Variants in CSMD3 observed in about 807,000 individuals in gnomAD.
The protein encoded by CSMD3 is CUB and sushi domain-containing protein 3.
In CSMD3, 177 loss-of-function variants were observed where a neutral mutation model predicts 435.2. That is an observed-to-expected ratio of 0.41 (90% confidence interval 0.36 to 0.46). CSMD3 has a LOEUF of 0.46. Among genes scored for constraint, CSMD3 ranks in the 20% least tolerant of loss-of-function variants. The pLI, the probability that CSMD3 is intolerant of heterozygous loss-of-function variation, is 0.34. For missense variants in CSMD3, 4,265 were observed against 4,504.6 expected (o/e 0.95, Z 1.52); for synonymous variants, 1,656 against 1,520.5 (o/e 1.09, Z -2.07).
At chr8:112,231,762 T>A in intron 68 of CSMD3, 130 bp from the exon 69 acceptor site, 1 of 702,382 alleles carries the variant, frequency 1.4e-6, no homozygotes, top group Non-Finnish European at 2.5e-6. Context: ...ATTTTTCTCC[T>A]TTGCAAAATA....
chr8:112,365,697 G>A (rs1827720671), intron 38 of CSMD3, among the ~76,000 whole-genome samples: 1 of 152,188 alleles, frequency 6.6e-6, no homozygotes, highest in Admixed American at 6.6e-5. Flanking sequence ...TACAAAAAGT[G>A]TATGGGAACA....
At chr8:113,267,140 G>A (rs1471676278) in intron 3 of CSMD3, among the ~76,000 whole-genome samples, 6 of 151,512 alleles carry the variant, frequency 4.0e-5, no homozygotes, top group African/African-American at 9.7e-5. Context: ...ACTCTTATAC[G>A]CTGTTGGTAG....
intron 2 of CSMD3, among the ~76,000 whole-genome samples, chr8:113,294,424 C>A (rs1269904403): frequency 6.6e-6 from 1 of 151,904 alleles, no homozygotes; most frequent in Non-Finnish European, 1.5e-5. Context: ...ATGAAGAAAA[C>A]AAAGGCCTAT....
At chr8:113,355,710 A>G (rs2094218160) in intron 1 of CSMD3, among the ~76,000 whole-genome samples, 1 of 77,284 alleles carries the variant, frequency 1.3e-5, no homozygotes, top group Non-Finnish European at 2.4e-5. Flanking sequence ...ATAACTCTTA[A>G]AAGTTTTATT....
Position 112,346,164 on chromosome 8 carries a change from AG to A in CSMD3, c.6374del (p.Pro2125LeufsTer11), listed in dbSNP as rs1329675952. On this transcript the variant is annotated frameshift_variant, in exon 41 of 71. Transcript: ENST00000297405. LOFTEE classifies it high-confidence loss of function. ...MSDFSGVILS[P>X]GFPGNYPSSL... ...TGCTGGGATAGTTTCCAGGAAACCC[AG>A]GACTGAGGATCACACCACTGAAGTC... 6.2e-7 allele frequency: 1 copy of A among 1,613,760 alleles called. No individual in the cohort carries two copies. The highest frequency in any genetic ancestry group is 1.7e-5 in the Admixed American group (1 of 60,030).
At position 112,369,993 on chromosome 8, in the gene CSMD3, G is replaced by GGAAGAAGAGGAA. The variant is rs1563852158; in HGVS notation, c.6136+10358_6136+10359insTTCCTCTTCTTC. On this transcript the variant is annotated intron_variant, in intron 38 of 70. Transcript: ENST00000297405. ...AAGAAGAAGAAGAGAAAGAGGAAGA[G>GGAAGAAGAGGAA]GAAGAAGAAGAGGAAGAGGAAGAAG... is the stretch of plus-strand genomic sequence containing the variant. Among the ~76,000 whole-genome samples the GGAAGAAGAGGAA allele has an allele frequency of 6.6e-4, 29 of 43,736 alleles. 1 individual carries two copies. The highest frequency in any genetic ancestry group is 1.7e-3 in the African/African-American group (27 of 15,650). The allele number at this position is 43,736 out of a possible 152,430, so 28.7% of individuals were successfully genotyped here.
chr8:113,159,288 A>G (rs1306196040), intron 4 of CSMD3, among the ~76,000 whole-genome samples: 1 of 151,914 alleles, frequency 6.6e-6, no homozygotes, highest in East Asian at 1.9e-4. Flanking sequence ...TACATACTTT[A>G]AGATGTTTAT....
chr8:112,805,275 C>T (rs1041924103), intron 12 of CSMD3, among the ~76,000 whole-genome samples: 1 of 152,064 alleles, frequency 6.6e-6, no homozygotes, highest in Non-Finnish European at 1.5e-5. Context: ...AAGGGGTATT[C>T]CGAAAAGCAG....
chr8:113,303,230 A>T (rs1216003422), intron 2 of CSMD3, among the ~76,000 whole-genome samples: 1 of 137,256 alleles, frequency 7.3e-6, no homozygotes, highest in Non-Finnish European at 1.6e-5. Flanking sequence ...CTTCAAGGAG[A>T]ACTACAAACC....
chr8:112,507,817 C>G (rs1300079026), intron 28 of CSMD3, among the ~76,000 whole-genome samples: 1 of 152,016 alleles, frequency 6.6e-6, no homozygotes, highest in Non-Finnish European at 1.5e-5. Flanking sequence ...TCTGGTACTG[C>G]CTTCCTCCAT....
intron 10 of CSMD3, among the ~76,000 whole-genome samples, chr8:112,862,536 C>T (rs1339940937): frequency 6.6e-6 from 1 of 151,914 alleles, no homozygotes; most frequent in Non-Finnish European, 1.5e-5. Context: ...AACAGACCTG[C>T]TATTTGAACA....
At chr8:112,348,351 A>T (rs1825848322) in intron 40 of CSMD3, among the ~76,000 whole-genome samples, 1 of 152,188 alleles carries the variant, frequency 6.6e-6, no homozygotes, top group Non-Finnish European at 1.5e-5. Context: ...TGTCTCTAAT[A>T]TCTAAAATCT....
chr8:112,582,850 A>T (rs4295688), intron 23 of CSMD3, among the ~76,000 whole-genome samples: 87,398 of 151,790 alleles, frequency 0.58, 25,701 homozygotes, highest in African/African-American at 0.69. Flanking sequence ...AAACTTATTC[A>T]TCCCTTTCAC....
intron 36 of CSMD3, among the ~76,000 whole-genome samples, chr8:112,387,450 T>G (rs1464031938): frequency 1.4e-5 from 2 of 143,440 alleles, no homozygotes; most frequent in Non-Finnish European, 3.1e-5. Flanking sequence ...AAGTTTCAAA[T>G]GTAAGTCATA....
intron 28 of CSMD3, among the ~76,000 whole-genome samples, chr8:112,507,901 T>C (rs1234621486): frequency 1.3e-5 from 2 of 152,178 alleles, no homozygotes; most frequent in African/African-American, 4.8e-5. Context: ...GCATTGAGAA[T>C]ATCTAGTTGC....
intron 10 of CSMD3, among the ~76,000 whole-genome samples, chr8:112,891,285 GAT>G (rs1365367911): frequency 2.0e-5 from 3 of 151,530 alleles, no homozygotes; most frequent in African/African-American, 7.3e-5. Flanking sequence ...TTCCCCAAGT[GAT>G]AACTCTGCAC....
intron 7 of CSMD3, among the ~76,000 whole-genome samples, chr8:112,973,905 G>T (rs1504344): frequency 0.43 from 64,582 of 151,690 alleles, 14,560 homozygotes; most frequent in East Asian, 0.78. Context: ...TGTCAATAAT[G>T]ATGAATACAT....
chr8:112,808,877 TTTC>T (rs1371583277), intron 12 of CSMD3, among the ~76,000 whole-genome samples: 12 of 152,036 alleles, frequency 7.9e-5, no homozygotes, highest in African/African-American at 2.9e-4. Context: ...GAGTGTGGCG[TTTC>T]TCTACAACTC....
chr8:113,092,021 G>A (rs1170032132), intron 5 of CSMD3, among the ~76,000 whole-genome samples: 1 of 151,958 alleles, frequency 6.6e-6, no homozygotes, highest in Non-Finnish European at 1.5e-5. Context: ...TGGCAATAAA[G>A]ATCATACACT....
Sources: allele counts gnomAD v4.1 joint callset (sites outside exome capture counted in the v4.1 genomes callset), GRCh38; gene constraint gnomAD v4.1.1; transcripts MANE v1.5; gene names NCBI Gene and HGNC (gene_info 2026-07-23, HGNC 2026-07-21).